MTO1: variants seen among roughly 807,000 people sequenced by gnomAD.
MTO1 encodes mitochondrial tRNA translation optimization 1.
A neutral mutation model predicts 71.6 loss-of-function variants in MTO1; 46 were observed. The ratio of observed to expected loss-of-function variants is 0.64; its 90% CI spans 0.51 to 0.82. The LOEUF (loss-of-function observed/expected upper bound fraction) is 0.82, where lower values mean the gene tolerates loss of function less well. Ranked by LOEUF, MTO1 falls within the 40% of genes least tolerant of loss-of-function variation. MTO1 has a pLI of 0.00. For synonymous variants in MTO1, 297 were observed against 312.1 expected, an observed-to-expected ratio of 0.95 and a Z score of 0.51; for missense variants, 773 against 867.5, an observed-to-expected ratio of 0.89 and a Z score of 1.37.
intron 1 of MTO1, chr6:73,462,407 C>G (rs1770851586): frequency 5.7e-6 from 2 of 350,818 alleles, no homozygotes; most frequent in Non-Finnish European, 1.1e-5. Context: ...CTATGTTACT[C>G]CAGATAAAGG....
chr6:73,480,140 C>G lies in MTO1; in HGVS notation c.1129+14C>G, dbSNP rs757783161. ...TGATTCAGCCAGGTAAAGAAGATCA[C>G]AAGTGCCCTTCAGTATAAGGTCAGC... On this transcript the variant is annotated intron_variant, in intron 6 of 11. Transcript: ENST00000498286. The G allele has an allele frequency of 9.9e-6, 16 of 1,612,050 alleles. No individual in the cohort carries two copies. Among genetic ancestry groups the G allele is most frequent in the Non-Finnish European group, 1.4e-5 (16 of 1,178,426 alleles).
intron 8 of MTO1, 29 bp from the exon 9 acceptor site, chr6:73,482,420 T>A (rs757451872): frequency 5.0e-6 from 8 of 1,596,878 alleles, no homozygotes; most frequent in Non-Finnish European, 6.8e-6. Flanking sequence ...ACCACACTTC[T>A]CATTATATTC....
rs1254811729 is a variant in MTO1, at chr6:73,486,536, G to A, written c.1637+3916G>A. On this transcript the variant is annotated intron_variant, in intron 9 of 11. Transcript: ENST00000498286. ...GCGGATCACCTGAGGTCAGGAGTTC[G>A]AAACCAGCCTGGCCAACATGGTGAA... 5.2e-5 allele frequency: 21 copies of A among 404,616 alleles called. No individual in the cohort carries two copies. The Admixed American group carries it at 5.4e-4, about 10-fold the overall frequency. The allele number at this position is 404,616 out of a possible 1,614,324, so 25.1% of individuals were successfully genotyped here. A position where few individuals can be genotyped will look rare whatever the true frequency, so the allele number is the denominator to read the frequency against.
At chr6:73,469,743 C>T (rs1445336376) in intron 3 of MTO1, among the ~76,000 whole-genome samples, 2 of 152,042 alleles carry the variant, frequency 1.3e-5, no homozygotes, top group African/African-American at 2.4e-5. Flanking sequence ...CGGTGGCTCA[C>T]GCCTGTAATC....
intron 9 of MTO1, chr6:73,486,716 G>T: frequency 3.5e-6 from 1 of 287,038 alleles, no homozygotes; most frequent in Non-Finnish European, 7.1e-6. Context: ...CAAACCTGAG[G>T]GACAAGAGTG....
At chr6:73,484,118 A>G (rs1279736655) in intron 9 of MTO1, among the ~76,000 whole-genome samples, 1 of 152,052 alleles carries the variant, frequency 6.6e-6, no homozygotes, top group Non-Finnish European at 1.5e-5. Context: ...AAGCACTAGC[A>G]CCAGCAATGA....
chr6:73,480,146 C>T lies in MTO1; in HGVS notation c.1129+20C>T. On this transcript the variant is annotated intron_variant, in intron 6 of 11. Coordinates refer to ENST00000498286, the MANE Select transcript of MTO1 (RefSeq NM_012123.4). ...AGCCAGGTAAAGAAGATCACAAGTG[C>T]CCTTCAGTATAAGGTCAGCATTGTT... The T allele has an allele frequency of 2.5e-6, 4 of 1,609,868 alleles. No individual in the cohort carries two copies. Among genetic ancestry groups the T allele is most frequent in the Non-Finnish European group, 3.4e-6 (4 of 1,176,696 alleles).
Position 73,468,350 on chromosome 6 carries a change from C to G in MTO1, c.535+1744C>G, listed in dbSNP as rs576347096. ...GTCAGGCTGGTCTTGAACTCCTGAC[C>G]TCAAGCGATCCGCCCACCTCAGCGT... On this transcript the variant is annotated intron_variant, in intron 3 of 11. Transcript: ENST00000498286. Among the ~76,000 whole-genome samples the G allele has an allele frequency of 7.9e-5, 12 of 152,140 alleles. No homozygotes were observed. In the South Asian group the frequency reaches 2.5e-3, roughly 32 times the overall value.
intron 9 of MTO1, among the ~76,000 whole-genome samples, chr6:73,485,940 T>TAC (rs57534567): frequency 8.4e-4 from 127 of 151,134 alleles, no homozygotes; most frequent in Middle Eastern, 6.8e-3. Context: ...GCGTAACACA[T>TAC]ACACACACAC....
At chr6:73,462,746 A>G (rs1013090425) in intron 1 of MTO1, among the ~76,000 whole-genome samples, 7 of 152,310 alleles carry the variant, frequency 4.6e-5, no homozygotes, top group Admixed American at 2.6e-4. Flanking sequence ...GATAATATTA[A>G]TAAAATAAAA....
chr6:73,484,526 C>T (rs931348276), intron 9 of MTO1, among the ~76,000 whole-genome samples: 12 of 151,754 alleles, frequency 7.9e-5, no homozygotes, highest in Non-Finnish European at 1.6e-4. Flanking sequence ...CTAAGGGCCC[C>T]ACCTCTAAAA....
At chr6:73,462,287 C>T in intron 1 of MTO1, 1 of 597,432 alleles carries the variant, frequency 1.7e-6, no homozygotes, top group Non-Finnish European at 2.9e-6. Flanking sequence ...TATGCTGCTG[C>T]TGACAGTCGT....
At chr6:73,471,122 G>A (rs72960035) in intron 3 of MTO1, among the ~76,000 whole-genome samples, 5,122 of 150,276 alleles carry the variant, frequency 0.034, 299 homozygotes, top group Admixed American at 0.15. Context: ...TCACAAAATC[G>A]TAGCATATTA....
Position 73,490,068 on chromosome 6 carries a change from T to A in MTO1, c.1638-2166T>A, listed in dbSNP as rs563653037. Among the ~76,000 whole-genome samples, 9 of 152,378 alleles carry A rather than the reference T, an allele frequency of 5.9e-5. 1 individual carries two copies. In the South Asian group the frequency reaches 1.9e-3, roughly 32 times the overall value. ...TGATGAGCATTTTTTCGTGTGCCTGTTGGCTGCGTAAATGTCTTCTTTTGA... is the reference window on the plus strand; with the variant it reads ...TGATGAGCATTTTTTCGTGTGCCTGATGGCTGCGTAAATGTCTTCTTTTGA... On this transcript the variant is annotated intron_variant, in intron 9 of 11. Coordinates refer to ENST00000498286, the MANE Select transcript of MTO1 (RefSeq NM_012123.4).
At chr6:73,500,088 C>G (rs770890839) in intron 11 of MTO1, among the ~76,000 whole-genome samples, 1 of 152,162 alleles carries the variant, frequency 6.6e-6, no homozygotes, top group Non-Finnish European at 1.5e-5. Context: ...CATTCTCGAC[C>G]TCCCAGGCTC....
intron 4 of MTO1, among the ~76,000 whole-genome samples, chr6:73,475,619 A>G (rs1015541215): frequency 2.6e-5 from 4 of 151,752 alleles, no homozygotes; most frequent in Admixed American, 6.6e-5. Flanking sequence ...GGTTCGAGCA[A>G]TTCTCCCGCC....
At chr6:73,464,861 A>AAAT (rs1561938557) in intron 1 of MTO1, among the ~76,000 whole-genome samples, 1 of 147,850 alleles carries the variant, frequency 6.8e-6, no homozygotes, top group African/African-American at 2.5e-5. Flanking sequence ...AAAAAAAAAA[A>AAAT]CTTTTGGAGG....
chr6:73,472,009 TG>T (rs34820388), intron 3 of MTO1, among the ~76,000 whole-genome samples: 96,039 of 151,892 alleles, frequency 0.63, 31,096 homozygotes, highest in South Asian at 0.72. Context: ...TAGAGCTATC[TG>T]AGGACAAAAC....
At chr6:73,486,469 G>A (rs1771655946) in intron 9 of MTO1, 1 of 313,280 alleles carries the variant, frequency 3.2e-6, no homozygotes. Flanking sequence ...CAGGCACGGT[G>A]GCTCACGCCT....
Sources: gnomAD v4.1 joint callset for allele counts (sites outside exome capture counted in the v4.1 genomes callset) on GRCh38, gnomAD v4.1.1 for gene constraint, MANE v1.5 for transcripts, NCBI Gene and HGNC (gene_info 2026-07-23, HGNC 2026-07-21) for gene names.